ARHGEF10: variants seen among roughly 807,000 people sequenced by gnomAD.
The protein encoded by ARHGEF10 is Rho guanine nucleotide exchange factor 10.
ARHGEF10 carries 140 observed loss-of-function variants against 147.4 expected under a neutral mutation model. The ratio of observed to expected loss-of-function variants is 0.95; its 90% CI spans 0.83 to 1.09. ARHGEF10 has a LOEUF of 1.09. ARHGEF10 is among the 50% of genes least tolerant of loss of function. The probability of loss-of-function intolerance (pLI) is 0.00; values close to 1 mark genes in which losing one functional copy is unlikely to be tolerated. For synonymous variants in ARHGEF10, 902 were observed against 695.8 expected, an observed-to-expected ratio of 1.30 and a Z score of -4.67; for missense variants, 2,222 against 1,752.7, an observed-to-expected ratio of 1.27 and a Z score of -4.78.
intron 3 of ARHGEF10, 121 bp from the exon 4 acceptor site, chr8:1,859,775 TA>T (rs2129074529): frequency 8.0e-7 from 1 of 1,244,318 alleles, no homozygotes; most frequent in South Asian, 1.2e-5. Flanking sequence ...TGGGAACGTC[TA>T]GGGGTCCTGG....
intron 1 of ARHGEF10, among the ~76,000 whole-genome samples, chr8:1,835,101 C>T (rs567343392): frequency 6.6e-5 from 10 of 152,370 alleles, no homozygotes; most frequent in South Asian, 4.1e-4. Context: ...GGACATCCCA[C>T]GCTCCTGCAT....
intron 11 of ARHGEF10, among the ~76,000 whole-genome samples, chr8:1,891,475 TGATGCTG>T (rs1281971658): frequency 6.6e-6 from 1 of 152,176 alleles, no homozygotes; most frequent in African/African-American, 2.4e-5. Flanking sequence ...AAAGTACCCT[TGATGCTG>T]GAGGACAGAG....
chr8:1,950,600 T>C (rs996721011), intron 27 of ARHGEF10, among the ~76,000 whole-genome samples: 1 of 152,008 alleles, frequency 6.6e-6, no homozygotes, highest in African/African-American at 2.4e-5. Flanking sequence ...TGGTGCGATC[T>C]TGGCTCACTG....
intron 4 of ARHGEF10, among the ~76,000 whole-genome samples, chr8:1,863,030 G>C (rs546542632): frequency 6.6e-6 from 1 of 151,964 alleles, no homozygotes; most frequent in Admixed American, 6.6e-5. Context: ...TGATCCGCCC[G>C]CCTCAGCCTC....
At chr8:1,956,474 C>T (rs1441045514) in intron 28 of ARHGEF10, among the ~76,000 whole-genome samples, 1 of 152,132 alleles carries the variant, frequency 6.6e-6, no homozygotes, top group African/African-American at 2.4e-5. Flanking sequence ...TTGAAAAGTA[C>T]AGTAGGAGTA....
intron 25 of ARHGEF10, among the ~76,000 whole-genome samples, chr8:1,931,227 G>A (rs1813118056): frequency 6.6e-6 from 1 of 152,256 alleles, no homozygotes; most frequent in Non-Finnish European, 1.5e-5. Flanking sequence ...ACTCTTTCAT[G>A]AAGCTTCGTG....
At chr8:1,869,156 T>C in intron 6 of ARHGEF10, 38 bp from the exon 7 acceptor site, 1 of 1,574,436 alleles carries the variant, frequency 6.4e-7, no homozygotes, top group Non-Finnish European at 8.7e-7. Flanking sequence ...TAGGTTTTGT[T>C]GGTCACTGTT....
At chr8:1,900,242 G>A (rs151164986) in intron 15 of ARHGEF10, among the ~76,000 whole-genome samples, 45 of 152,236 alleles carry the variant, frequency 3.0e-4, no homozygotes, top group African/African-American at 9.1e-4. Context: ...AGGGGTGGGC[G>A]GGCTGCTGGA....
Position 1,945,672 on chromosome 8 carries a change from G to GGACGT in ARHGEF10, c.3397+18_3397+19insACGTG, listed in dbSNP as rs777076246. 2 of 1,613,876 alleles carry GGACGT rather than the reference G, an allele frequency of 1.2e-6. No individual in the cohort carries two copies. The highest frequency in any genetic ancestry group is 2.2e-5 in the South Asian group (2 of 91,050). On this transcript the variant is annotated intron_variant, in intron 27 of 28. Coordinates refer to ENST00000349830, the MANE Select transcript of ARHGEF10 (RefSeq NM_014629.4). ...TGCTGCCAGGTAAGGGGACGGGACG[G>GGACGT]GGCCCAGGGATGGGACAGCAACCGG... is the stretch of plus-strand genomic sequence containing the variant.
chr8:1,873,478 C>T (rs59911764), intron 7 of ARHGEF10, among the ~76,000 whole-genome samples: 8,991 of 70,364 alleles, frequency 0.13, 208 homozygotes, highest in East Asian at 0.3. Context: ...CGTTGAGAGG[C>T]GCCCGCGGGG....
At chr8:1,884,611 C>T (rs1196462247) in intron 10 of ARHGEF10, among the ~76,000 whole-genome samples, 1 of 152,114 alleles carries the variant, frequency 6.6e-6, no homozygotes, top group South Asian at 2.1e-4. Flanking sequence ...TTTAAAGCCC[C>T]TTAGATAGAT....
chr8:1,872,760 G>A (rs1048197333), intron 7 of ARHGEF10, among the ~76,000 whole-genome samples: 140 of 152,306 alleles, frequency 9.2e-4, no homozygotes, highest in African/African-American at 3.1e-3. Context: ...TAATGGGGAG[G>A]AGCTCACGGC....
At chr8:1,915,208 C>T (rs1332450889) in intron 18 of ARHGEF10, among the ~76,000 whole-genome samples, 3 of 152,084 alleles carry the variant, frequency 2.0e-5, no homozygotes, top group Admixed American at 6.6e-5. Flanking sequence ...AGAGGATGGG[C>T]GCTGACTCCG....
In ARHGEF10 at chr8:1,957,428, T is replaced by C. The variant is rs1332809430; in HGVS notation, c.*165T>C. 1 of 957,752 alleles carries C rather than the reference T, an allele frequency of 1.0e-6. No homozygotes were observed. Among genetic ancestry groups the C allele is most frequent in the East Asian group, 2.6e-5 (1 of 37,968 alleles). 59.3% of individuals were successfully genotyped at this position (957,752 alleles called of 1,614,324 possible). A position where few individuals can be genotyped will look rare whatever the true frequency, so the allele number is the denominator to read the frequency against. On this transcript the variant is annotated 3_prime_UTR_variant, in exon 29 of 29. Transcript: ENST00000349830. ...GCGTAATGGTGGTGTCCCTGCCAAT[T>C]CCTTCCTTCTCTTCTGTACAGCAGA...
intron 17 of ARHGEF10, 141 bp from the exon 18 acceptor site, chr8:1,909,154 A>G: frequency 3.2e-6 from 4 of 1,231,868 alleles, no homozygotes; most frequent in Non-Finnish European, 4.7e-6. Context: ...GAAAGTCAGA[A>G]GCACAATTAC....
At chr8:1,843,741 G>A (rs560442887) in intron 2 of ARHGEF10, among the ~76,000 whole-genome samples, 4 of 152,280 alleles carry the variant, frequency 2.6e-5, no homozygotes, top group Middle Eastern at 3.4e-3. Context: ...GAGATGGAGC[G>A]GGAGGGTTGT....
intron 2 of ARHGEF10, among the ~76,000 whole-genome samples, chr8:1,856,575 G>A (rs767975502): frequency 9.8e-5 from 15 of 152,336 alleles, no homozygotes; most frequent in Admixed American, 1.3e-4. Flanking sequence ...CAGGAGGCTC[G>A]GCAGAGAGCG....
rs1422006985 is a variant in ARHGEF10 at position 1,900,022 on chromosome 8, A to G, written c.1650+1497A>G. Among the ~76,000 whole-genome samples the G allele has an allele frequency of 2.6e-5, 4 of 152,338 alleles. No homozygotes were observed. In the South Asian group the frequency reaches 6.2e-4, roughly 24 times the overall value. ...GTTCTTGGTCGCCAGGGACGACAGC[A>G]AGTGCTGACTGTGTTGTGAGGTCAC... On this transcript the variant is annotated intron_variant, in intron 15 of 28. Coordinates refer to ENST00000349830, the MANE Select transcript of ARHGEF10 (RefSeq NM_014629.4).
At position 1,873,644 on chromosome 8, in the gene ARHGEF10, C is replaced by G. The variant is rs11776771; in HGVS notation, c.680-2927C>G. The stretch of plus-strand genomic sequence containing the variant: ...TAGTGCACCCGCATTTCCTAGTTGC[C>G]TTGAGAGGTGCCGCGGGGTAGTGCA... On this transcript the variant is annotated intron_variant, in intron 7 of 28. Transcript: ENST00000349830. Among the ~76,000 whole-genome samples the G allele has an allele frequency of 6.1e-4, 28 of 46,250 alleles. 1 individual carries two copies. Among genetic ancestry groups the G allele is most frequent in the East Asian group, 4.6e-3 (3 of 650 alleles). The allele number at this position is 46,250 out of a possible 152,430, so 30.3% of individuals were successfully genotyped here.
Sources: gnomAD v4.1 joint callset for allele counts (sites outside exome capture counted in the v4.1 genomes callset) on GRCh38, gnomAD v4.1.1 for gene constraint, MANE v1.5 for transcripts, NCBI Gene and HGNC (gene_info 2026-07-23, HGNC 2026-07-21) for gene names.